The following IQGAP1 variants were observed in gnomAD, a reference collection of about 807,000 sequenced individuals.
IQGAP1 encodes the protein ras GTPase-activating-like protein IQGAP1.
In IQGAP1, 66 loss-of-function variants were observed where a neutral mutation model predicts 215.6. The ratio of observed to expected loss-of-function variants is 0.31; its 90% CI spans 0.25 to 0.38. IQGAP1 has a LOEUF of 0.38. Ranked by LOEUF, IQGAP1 falls within the 10% of genes least tolerant of loss-of-function variation. The probability of loss-of-function intolerance (pLI) is 1.00; values close to 1 mark genes in which losing one functional copy is unlikely to be tolerated. For missense variants in IQGAP1, 1,712 were observed against 1,997.1 expected, an observed-to-expected ratio of 0.86 and a Z score of 2.72; for synonymous variants, 772 against 728.7, an observed-to-expected ratio of 1.06 and a Z score of -0.96.
intron 11 of IQGAP1, 139 bp downstream of exon 11, chr15:90,449,782 G>C (rs1965576127): frequency 2.1e-5 from 13 of 605,126 alleles, no homozygotes; most frequent in South Asian, 2.0e-4. Flanking sequence ...TTGGTGGCAG[G>C]AGGGTTCCTC....
At chr15:90,447,813 C>T (rs1282055283) in intron 9 of IQGAP1, among the ~76,000 whole-genome samples, 1 of 151,908 alleles carries the variant, frequency 6.6e-6, no homozygotes, top group African/African-American at 2.4e-5. Flanking sequence ...TCTTCATTAT[C>T]ATTTTCAGAT....
intron 15 of IQGAP1, among the ~76,000 whole-genome samples, chr15:90,459,957 C>A (rs1442092468): frequency 6.6e-6 from 1 of 152,136 alleles, no homozygotes; most frequent in Non-Finnish European, 1.5e-5. Context: ...AAAGGATTAG[C>A]TAGTTCTTTA....
chr15:90,454,407 T>A lies in IQGAP1; in HGVS notation c.1488-21T>A. On this transcript the variant is annotated intron_variant, in intron 13 of 37. Transcript: ENST00000268182. ...AAACATGCTGTGCTTAATGCTCTTT[T>A]TACTTGGGGGTCTGGGGCAGGTATC... The A allele has an allele frequency of 3.7e-6, 6 of 1,613,398 alleles. No homozygotes were observed. In the East Asian group the frequency reaches 1.3e-4, roughly 36 times the overall value.
At chr15:90,438,502 CTGA>C (rs1286426756) in intron 5 of IQGAP1, among the ~76,000 whole-genome samples, 1 of 151,874 alleles carries the variant, frequency 6.6e-6, no homozygotes, top group Non-Finnish European at 1.5e-5. Context: ...TTTCACCAAC[CTGA>C]TAATTAAAAA....
chr15:90,499,933 G>T, intron 37 of IQGAP1, 62 bp from the exon 38 acceptor site: 1 of 1,120,250 alleles, frequency 8.9e-7, no homozygotes, highest in South Asian at 1.3e-5. Context: ...CTTTTTCCTT[G>T]TTCCACAGAC....
chr15:90,449,983 G>A (rs886491), intron 11 of IQGAP1, among the ~76,000 whole-genome samples: 54,181 of 151,960 alleles, frequency 0.36, 10,295 homozygotes, highest in East Asian at 0.67. Flanking sequence ...GTCACCTAAC[G>A]CATTTATCTT....
chr15:90,454,397 A>G, intron 13 of IQGAP1, 31 bp from the exon 14 acceptor site: 1 of 1,612,724 alleles, frequency 6.2e-7, no homozygotes, highest in Non-Finnish European at 8.5e-7. Flanking sequence ...TGCTGTGCTT[A>G]ATGCTCTTTT....
In IQGAP1 at chr15:90,495,858, C is replaced by T. The variant is rs865981425; in HGVS notation, c.4751+1023C>T. Reference sequence around the variant, plus strand: ...TTCACCATGTTGGCCAGGCTAATCTCAAACTCCTGACCTCATGTGATTCAC... The same window carrying T: ...TTCACCATGTTGGCCAGGCTAATCTTAAACTCCTGACCTCATGTGATTCAC... On this transcript the variant is annotated intron_variant, in intron 36 of 37. Coordinates refer to ENST00000268182, the MANE Select transcript of IQGAP1 (RefSeq NM_003870.4). Among the ~76,000 whole-genome samples, 49 of 150,284 alleles carry T rather than the reference C, an allele frequency of 3.3e-4. 2 individuals are homozygous for T. Among genetic ancestry groups the T allele is most frequent in the South Asian group, 3.1e-3 (15 of 4,790 alleles).
At chr15:90,449,680 T>G in intron 11 of IQGAP1, 37 bp downstream of exon 11, 1 of 1,541,666 alleles carries the variant, frequency 6.5e-7, no homozygotes, top group Non-Finnish European at 8.9e-7. Context: ...AGGAAAGTTG[T>G]GGCTTTGTGT....
intron 2 of IQGAP1, among the ~76,000 whole-genome samples, chr15:90,408,034 G>C (rs1288535169): frequency 1.3e-5 from 2 of 152,166 alleles, no homozygotes; most frequent in African/African-American, 4.8e-5. Flanking sequence ...TTTATGGCTG[G>C]GTTTTTCAGG....
chr15:90,406,754 C>T (rs1964884199), intron 2 of IQGAP1, among the ~76,000 whole-genome samples: 1 of 152,140 alleles, frequency 6.6e-6, no homozygotes, highest in South Asian at 2.1e-4. Context: ...GCACATTTTG[C>T]TTTCAATGTA....
chr15:90,496,807 T>G (rs1168083873), intron 36 of IQGAP1: 8 of 154,216 alleles, frequency 5.2e-5, no homozygotes, highest in Non-Finnish European at 1.2e-4. Flanking sequence ...GACCCCCTTT[T>G]GTTTATTTAC....
intron 36 of IQGAP1, among the ~76,000 whole-genome samples, chr15:90,496,274 A>G (rs989108970): frequency 2.9e-5 from 4 of 137,340 alleles, no homozygotes; most frequent in South Asian, 2.3e-4. Flanking sequence ...CTGGGGTGCT[A>G]TACTTTGATC....
chr15:90,497,436 G>A, intron 37 of IQGAP1, 96 bp downstream of exon 37: 2 of 683,412 alleles, frequency 2.9e-6, no homozygotes, highest in Non-Finnish European at 5.3e-6. Context: ...GAGGAAAGCT[G>A]TCTACATTCA....
At chr15:90,479,928 G>A (rs1966033551) in intron 26 of IQGAP1, among the ~76,000 whole-genome samples, 3 of 152,080 alleles carry the variant, frequency 2.0e-5, no homozygotes, top group Admixed American at 2.0e-4. Context: ...TGCAACCCAG[G>A]GCATTCCTTG....
rs1965557024 is a variant in IQGAP1, at chr15:90,448,615, G to A, written c.956G>A (p.Gly319Glu). 2 of 1,605,424 alleles carry A rather than the reference G, an allele frequency of 1.2e-6. No homozygotes were observed. The highest frequency in any genetic ancestry group is 4.5e-5 in the East Asian group (2 of 44,354). The change falls in exon 10 of 38, where the codon GGA (glycine) becomes GAA (glutamate). Residue 319 changes from glycine (G) to glutamate (E), a missense_variant. Physicochemically the swap from Gly to Glu is moderately conservative, Grantham distance 98. Coordinates refer to ENST00000268182, the MANE Select transcript of IQGAP1 (RefSeq NM_003870.4). Reference protein sequence around the residue: ...LANIDLALEQGDALALFRALQ... With the variant: ...LANIDLALEQEDALALFRALQ... ...AATATCGACCTGGCTTTAGAACAAGGAGATGCACTGGCCTTGTTCAGGGCT... is the reference window on the plus strand; with the variant it reads ...AATATCGACCTGGCTTTAGAACAAGAAGATGCACTGGCCTTGTTCAGGGCT...
chr15:90,499,958 A>C (rs773642182), intron 37 of IQGAP1, 37 bp from the exon 38 acceptor site: 4 of 1,097,308 alleles, frequency 3.6e-6, no homozygotes, highest in African/African-American at 2.4e-5. Context: ...TTAACTGTCA[A>C]AATGTTTTGT....
chr15:90,394,608 CT>C (rs1964687075), intron 2 of IQGAP1, among the ~76,000 whole-genome samples: 1 of 152,168 alleles, frequency 6.6e-6, no homozygotes. Context: ...GAGGGCCCCT[CT>C]TTCCCCTCTA....
chr15:90,390,467 T>G (rs1022137971), intron 1 of IQGAP1, among the ~76,000 whole-genome samples: 6 of 152,240 alleles, frequency 3.9e-5, no homozygotes, highest in Non-Finnish European at 8.8e-5. Context: ...CAGATCTGTA[T>G]TTAGAAGGAG....
Sources: allele counts gnomAD v4.1 joint callset (sites outside exome capture counted in the v4.1 genomes callset), GRCh38; gene constraint gnomAD v4.1.1; transcripts MANE v1.5; gene names NCBI Gene and HGNC (gene_info 2026-07-23, HGNC 2026-07-21).